The following SLC28A1 variants were observed in gnomAD, a reference collection of about 807,000 sequenced individuals.
SLC28A1 encodes the protein sodium/nucleoside cotransporter 1.
Under a neutral mutation model 74.8 loss-of-function variants are expected in SLC28A1, and 64 were observed. The observed-to-expected ratio is 0.86, with a 90% confidence interval of 0.70 to 1.05. The LOEUF (loss-of-function observed/expected upper bound fraction) is 1.05, where lower values mean the gene tolerates loss of function less well. Among genes scored for constraint, SLC28A1 ranks in the 50% least tolerant of loss-of-function variants. The probability of loss-of-function intolerance (pLI) is 0.00; values close to 1 mark genes in which losing one functional copy is unlikely to be tolerated. For missense variants in SLC28A1, 828 were observed against 822.8 expected, an observed-to-expected ratio of 1.01 and a Z score of -0.08; for synonymous variants, 359 against 335.0, an observed-to-expected ratio of 1.07 and a Z score of -0.78.
At chr15:84,930,568 C>T (rs1481924721) in intron 12 of SLC28A1, among the ~76,000 whole-genome samples, 1 of 151,344 alleles carries the variant, frequency 6.6e-6, no homozygotes, top group African/African-American at 2.4e-5. Flanking sequence ...GCAGGCCTGG[C>T]ACTTCCCTGA....
At position 84,910,407 on chromosome 15, in the gene SLC28A1, A is replaced by G. The variant is rs528390117; in HGVS notation, c.795+1612A>G. On this transcript the variant is annotated intron_variant, in intron 9 of 18. Coordinates refer to ENST00000394573, the MANE Select transcript of SLC28A1 (RefSeq NM_004213.5). ...ACCTCTGGCGTCCACCCAGGCAGGGAGGCTCCCGCAGCTTCTTACACTTTA... is the reference window on the plus strand; with the variant it reads ...ACCTCTGGCGTCCACCCAGGCAGGGGGGCTCCCGCAGCTTCTTACACTTTA... Among the ~76,000 whole-genome samples, 11 of 152,292 alleles carry G rather than the reference A, an allele frequency of 7.2e-5. No homozygotes were observed. The South Asian group carries it at 1.0e-3, about 14-fold the overall frequency.
intron 12 of SLC28A1, among the ~76,000 whole-genome samples, chr15:84,928,847 T>C (rs1970950296): frequency 6.6e-6 from 1 of 151,850 alleles, no homozygotes; most frequent in Non-Finnish European, 1.5e-5. Flanking sequence ...GGCCTTGAAC[T>C]CCTCACCTCA....
At chr15:84,904,335 G>T in intron 7 of SLC28A1, 97 bp downstream of exon 7, 3 of 1,573,828 alleles carry the variant, frequency 1.9e-6, no homozygotes, top group Non-Finnish European at 2.6e-6. Context: ...AGATGTTCCT[G>T]TTGGGAGAGC....
Position 84,944,631 on chromosome 15 carries a change from G to T in SLC28A1, c.1729G>T (p.Ala577Ser). The T allele has an allele frequency of 6.2e-7, 1 of 1,614,090 alleles. No homozygotes were observed. The highest frequency in any genetic ancestry group is 8.5e-7 in the Non-Finnish European group (1 of 1,179,922). Residue 577 changes from alanine to serine, a missense_variant, in exon 17 of 19, where the codon GCC (alanine) becomes TCC (serine). Ala to Ser is a moderately conservative substitution (Grantham distance 99). This residue lies in a region of SLC28A1 where 767 missense variants were observed against 753.5 expected (regional missense o/e 1.02). Coordinates refer to ENST00000394573, the MANE Select transcript of SLC28A1 (RefSeq NM_004213.5). ...QIVLRALFTGACVSLVNACMA... is the reference protein window; with the variant it reads ...QIVLRALFTGSCVSLVNACMA... Reference sequence around the variant, plus strand: ...AGTGCTCCGGGCGCTCTTCACGGGAGCCTGTGTGTCCCTGGTGAACGCCTG... The same window carrying T: ...AGTGCTCCGGGCGCTCTTCACGGGATCCTGTGTGTCCCTGGTGAACGCCTG...
chr15:84,923,407 T>C (rs944248986), intron 11 of SLC28A1, among the ~76,000 whole-genome samples: 1 of 152,058 alleles, frequency 6.6e-6, no homozygotes, highest in Non-Finnish European at 1.5e-5. Context: ...AGGGACTTTA[T>C]CCTGTCGACG....
At chr15:84,922,780 C>T (rs1296591733) in intron 11 of SLC28A1, among the ~76,000 whole-genome samples, 1 of 152,246 alleles carries the variant, frequency 6.6e-6, no homozygotes, top group Non-Finnish European at 1.5e-5. Flanking sequence ...ACTGCTATGG[C>T]TTTTGGACCT....
chr15:84,902,411 T>G (rs970593668), intron 6 of SLC28A1, among the ~76,000 whole-genome samples: 2 of 149,522 alleles, frequency 1.3e-5, no homozygotes, highest in Non-Finnish European at 3.0e-5. Context: ...ACCCCGGAGG[T>G]GGAGGTTGCA....
rs749843385 is a variant in SLC28A1, at chr15:84,941,426, C to T, written c.1582-2019C>T. ...TTCACCATGTTAGCCAGGATGGTCT[C>T]GGTCTCCTGAACTTGTGATCTGCCC... On this transcript the variant is annotated intron_variant, in intron 15 of 18. Coordinates refer to ENST00000394573, the MANE Select transcript of SLC28A1 (RefSeq NM_004213.5). Among the ~76,000 whole-genome samples the T allele has an allele frequency of 1.3e-3, 192 of 152,086 alleles. 1 individual carries two copies. The highest frequency in any genetic ancestry group is 1.8e-3 in the Non-Finnish European group (121 of 67,948).
chr15:84,931,131 C>G (rs1220625617), intron 12 of SLC28A1, among the ~76,000 whole-genome samples: 2 of 151,704 alleles, frequency 1.3e-5, no homozygotes, highest in African/African-American at 2.4e-5. Flanking sequence ...GTCTCAAACT[C>G]CTGACCTCAA....
Position 84,943,990 on chromosome 15 carries a change from C to T in SLC28A1, c.1663+464C>T, listed in dbSNP as rs187325241. Among the ~76,000 whole-genome samples, 527 of 152,272 alleles carry T rather than the reference C, an allele frequency of 3.5e-3. 6 individuals are homozygous for T. Among genetic ancestry groups the T allele is most frequent in the African/African-American group, 0.012 (506 of 41,566 alleles). On this transcript the variant is annotated intron_variant, in intron 16 of 18. Transcript: ENST00000394573. ...CGATTCTCTGCTGCTGCTGGTGGCC[C>T]AGGAAGTTAGCACCTGGGCCTTGAA... is the stretch of plus-strand genomic sequence containing the variant.
At chr15:84,932,384 G>A (rs1016528916) in intron 12 of SLC28A1, among the ~76,000 whole-genome samples, 5 of 152,172 alleles carry the variant, frequency 3.3e-5, no homozygotes, top group Non-Finnish European at 7.3e-5. Context: ...AAAACTTCAG[G>A]AAGGGAGAAT....
intron 9 of SLC28A1, among the ~76,000 whole-genome samples, chr15:84,918,215 A>T (rs1969372793): frequency 6.6e-6 from 1 of 152,042 alleles, no homozygotes. Context: ...GAAGCAGGAG[A>T]TAAAAGTGGT....
At chr15:84,918,257 C>T (rs1344906629) in intron 9 of SLC28A1, among the ~76,000 whole-genome samples, 4 of 152,108 alleles carry the variant, frequency 2.6e-5, no homozygotes. Flanking sequence ...ACAGCACAGG[C>T]CTACCTGTGC....
the SLC28A1 span, among the ~76,000 whole-genome samples, chr15:84,950,861 T>C: frequency 3.3e-5 from 5 of 152,036 alleles, no homozygotes; most frequent in African/African-American, 1.2e-4. Flanking sequence ...AGATAGTAAA[T>C]ATTTCAGCTT....
At chr15:84,956,468 C>CTTCT in the SLC28A1 span, among the ~76,000 whole-genome samples, 8,445 of 66,944 alleles carry the variant, frequency 0.13, 574 homozygotes, top group African/African-American at 0.21. Flanking sequence ...TCTTTCTTTC[C>CTTCT]TTCTTTCTTT....
the SLC28A1 span, among the ~76,000 whole-genome samples, chr15:84,966,267 A>G: frequency 6.6e-6 from 1 of 152,040 alleles, no homozygotes; most frequent in Non-Finnish European, 1.5e-5. Context: ...TAGTTTCACC[A>G]TGTTGGCCAG....
At chr15:84,893,213 T>C (rs1463633140) in intron 5 of SLC28A1, among the ~76,000 whole-genome samples, 1 of 152,158 alleles carries the variant, frequency 6.6e-6, no homozygotes, top group African/African-American at 2.4e-5. Context: ...CAAGTGGGCA[T>C]CACTGTAGAC....
At chr15:84,889,600 G>A (rs1314208097) in intron 4 of SLC28A1, among the ~76,000 whole-genome samples, 1 of 152,118 alleles carries the variant, frequency 6.6e-6, no homozygotes, top group South Asian at 2.1e-4. Context: ...GTGGATGAAC[G>A]ACAGGGGAGG....
intron 15 of SLC28A1, among the ~76,000 whole-genome samples, chr15:84,942,891 G>A (rs1325594985): frequency 6.6e-6 from 1 of 152,112 alleles, no homozygotes; most frequent in East Asian, 1.9e-4. Flanking sequence ...AAGATTAAAA[G>A]GTTGAAGGAC....
Sources: allele counts gnomAD v4.1 joint callset (sites outside exome capture counted in the v4.1 genomes callset), GRCh38; gene constraint gnomAD v4.1.1; regional missense constraint gnomAD v4.1.1; transcripts MANE v1.5; gene names NCBI Gene and HGNC (gene_info 2026-07-23, HGNC 2026-07-21).